Variants in NRXN3 observed in about 807,000 individuals in gnomAD.
The protein encoded by NRXN3 is neurexin 3, also known as neurexin III.
Under a neutral mutation model 137.6 loss-of-function variants are expected in NRXN3, and 32 were observed. The ratio of observed to expected loss-of-function variants is 0.23; its 90% CI spans 0.18 to 0.31. The LOEUF (loss-of-function observed/expected upper bound fraction) is 0.31. Among genes scored for constraint, NRXN3 ranks in the 10% least tolerant of loss-of-function variants. NRXN3 has a pLI of 1.00. For missense variants in NRXN3, 1,574 were observed against 2,062.5 expected (o/e 0.76, Z 4.59); for synonymous variants, 798 against 784.5 (o/e 1.02, Z -0.29).
intron 16 of NRXN3, among the ~76,000 whole-genome samples, chr14:79,501,801 G>A (rs988923887): frequency 1.4e-4 from 21 of 151,826 alleles, no homozygotes; most frequent in African/African-American, 5.1e-4. Flanking sequence ...GAGACCCTAG[G>A]TTCAGTTAAA....
chr14:79,188,422 A>G (rs191147742), intron 15 of NRXN3, among the ~76,000 whole-genome samples: 6 of 152,280 alleles, frequency 3.9e-5, no homozygotes, highest in Admixed American at 3.9e-4. Context: ...TATACTGGAA[A>G]GATGAAATCT....
At chr14:78,668,119 G>T (rs368490392) in intron 6 of NRXN3, among the ~76,000 whole-genome samples, 2 of 152,108 alleles carry the variant, frequency 1.3e-5, no homozygotes, top group African/African-American at 2.4e-5. Flanking sequence ...TTTCTTCATA[G>T]ATATTAATGT....
chr14:79,115,402 G>T (rs2054277469), intron 15 of NRXN3, among the ~76,000 whole-genome samples: 1 of 151,836 alleles, frequency 6.6e-6, no homozygotes, highest in African/African-American at 2.4e-5. Flanking sequence ...GCCAGTAATG[G>T]TAATTATTTG....
At chr14:79,285,824 C>T (rs1181759026) in intron 15 of NRXN3, among the ~76,000 whole-genome samples, 2 of 152,100 alleles carry the variant, frequency 1.3e-5, no homozygotes, top group African/African-American at 4.8e-5. Flanking sequence ...CACAGTTCAG[C>T]CCCTAATGCT....
chr14:79,856,616 T>C (rs1464588373), intron 20 of NRXN3, among the ~76,000 whole-genome samples: 1 of 79,186 alleles, frequency 1.3e-5, no homozygotes, highest in African/African-American at 4.4e-5. Context: ...TGTTTTTTTG[T>C]TCTTTTTTTT....
At chr14:79,192,765 A>ATTCTTTTTTTTTTTTTTTTTTTTTTTAT (rs1413090484) in intron 15 of NRXN3, among the ~76,000 whole-genome samples, 1 of 115,300 alleles carries the variant, frequency 8.7e-6, no homozygotes. Flanking sequence ...AATTCTCTTA[A>ATTCTTTTTTTTTTTTTTTTTTTTTTTAT]TTTTTTTTTT....
At chr14:78,688,578 C>T (rs1272887183) in intron 6 of NRXN3, among the ~76,000 whole-genome samples, 4 of 152,036 alleles carry the variant, frequency 2.6e-5, no homozygotes, top group Admixed American at 2.0e-4. Context: ...TTGCTGTAAT[C>T]ATAGCAGTAA....
intron 15 of NRXN3, among the ~76,000 whole-genome samples, chr14:79,406,263 C>A (rs1282771346): frequency 7.0e-6 from 1 of 143,210 alleles, no homozygotes; most frequent in Non-Finnish European, 1.5e-5. Flanking sequence ...CCCCTCCCAT[C>A]CTCTCCCCTC....
chr14:79,400,762 G>C (rs2095170362), intron 15 of NRXN3, among the ~76,000 whole-genome samples: 1 of 152,150 alleles, frequency 6.6e-6, no homozygotes. Context: ...GAGAACCGCA[G>C]AAATTAAGAG....
intron 10 of NRXN3, among the ~76,000 whole-genome samples, chr14:78,944,473 C>T (rs2099361386): frequency 6.6e-6 from 1 of 152,158 alleles, no homozygotes; most frequent in Admixed American, 6.5e-5. Flanking sequence ...GCATTGTGAC[C>T]TGATTTGTAA....
At chr14:79,012,746 G>A (rs1417519764) in intron 15 of NRXN3, among the ~76,000 whole-genome samples, 2 of 152,134 alleles carry the variant, frequency 1.3e-5, no homozygotes. Flanking sequence ...GGAATTTTAA[G>A]TCTTGACTTT....
intron 15 of NRXN3, among the ~76,000 whole-genome samples, chr14:79,414,779 T>C (rs1283275345): frequency 1.3e-5 from 2 of 152,108 alleles, no homozygotes; most frequent in East Asian, 3.9e-4. Flanking sequence ...TCATTAACTG[T>C]AGTCTCCATA....
chr14:78,609,540 G>A (rs1566881334), intron 4 of NRXN3, among the ~76,000 whole-genome samples: 2 of 152,132 alleles, frequency 1.3e-5, no homozygotes, highest in African/African-American at 4.8e-5. Context: ...TTAAGCACTT[G>A]AGCTTTGAGC....
At chr14:79,552,032 G>A (rs548148475) in intron 16 of NRXN3, among the ~76,000 whole-genome samples, 228 of 152,236 alleles carry the variant, frequency 1.5e-3, no homozygotes, top group Middle Eastern at 3.4e-3. Context: ...CTTCCTTCCC[G>A]TGGTTCATTA....
chr14:79,410,603 T>C (rs1380549898), intron 15 of NRXN3, among the ~76,000 whole-genome samples: 1 of 152,106 alleles, frequency 6.6e-6, no homozygotes, highest in African/African-American at 2.4e-5. Flanking sequence ...ACTAGTTATG[T>C]GACCTTGAGC....
chr14:78,660,588 C>A (rs755423702), intron 6 of NRXN3, among the ~76,000 whole-genome samples: 8 of 152,230 alleles, frequency 5.3e-5, no homozygotes, highest in Admixed American at 2.0e-4. Context: ...TTAAACTAAG[C>A]TTCTGGCCAC....
chr14:78,705,712 T>C (rs1323717593), intron 6 of NRXN3, among the ~76,000 whole-genome samples: 1 of 152,186 alleles, frequency 6.6e-6, no homozygotes, highest in Non-Finnish European at 1.5e-5. Flanking sequence ...ATCGAGGCTC[T>C]TACCTTTGGA....
In NRXN3 at chr14:79,004,117, T is replaced by A. The variant is rs1009397907; in HGVS notation, c.3262+15976T>A. 3.3e-5 allele frequency among the ~76,000 whole-genome samples: 5 copies of A among 152,208 alleles called. No homozygotes were observed. The South Asian group carries it at 1.0e-3, about 32-fold the overall frequency. On this transcript the variant is annotated intron_variant, in intron 15 of 20. Coordinates refer to ENST00000335750, the MANE Select transcript of NRXN3 (RefSeq NM_001330195.2). Reference sequence around the variant, plus strand: ...TAAGAATTTAGTTAGAATATGTAGATAATAAAGATTTAAACTGATTGCCAA... The same window carrying A: ...TAAGAATTTAGTTAGAATATGTAGAAAATAAAGATTTAAACTGATTGCCAA...
At chr14:78,904,537 G>A (rs1052361543) in intron 10 of NRXN3, among the ~76,000 whole-genome samples, 1 of 151,992 alleles carries the variant, frequency 6.6e-6, no homozygotes, top group African/African-American at 2.4e-5. Flanking sequence ...TAACTCTATA[G>A]AGATGATTTC....
Sources: gnomAD v4.1 joint callset for allele counts (sites outside exome capture counted in the v4.1 genomes callset) on GRCh38, gnomAD v4.1.1 for gene constraint, MANE v1.5 for transcripts, NCBI Gene and HGNC (gene_info 2026-07-23, HGNC 2026-07-21) for gene names.